CCDC171: variants seen among roughly 807,000 people sequenced by gnomAD.
CCDC171 encodes coiled-coil domain containing 171.
A neutral mutation model predicts 168.2 loss-of-function variants in CCDC171; 177 were observed. The ratio of observed to expected loss-of-function variants is 1.05; its 90% CI spans 0.93 to 1.19. CCDC171 has a LOEUF of 1.19. CCDC171 is among the 50% of genes most tolerant of loss of function. CCDC171 has a pLI of 0.00. For missense variants in CCDC171, 1,991 were observed against 1,539.0 expected, an observed-to-expected ratio of 1.29 and a Z score of -4.91; for synonymous variants, 687 against 540.8, an observed-to-expected ratio of 1.27 and a Z score of -3.75.
chr9:15,835,152 T>C (rs1009681575), intron 21 of CCDC171, among the ~76,000 whole-genome samples: 13 of 152,304 alleles, frequency 8.5e-5, no homozygotes, highest in Admixed American at 2.6e-4. Flanking sequence ...GACTATTAGC[T>C]TAAGAAATAC....
chr9:15,584,058 G>A (rs1410674897), intron 4 of CCDC171, among the ~76,000 whole-genome samples: 2 of 151,976 alleles, frequency 1.3e-5, no homozygotes, highest in Non-Finnish European at 2.9e-5. Context: ...TAGTAGAGAC[G>A]GGGTTTCACC....
chr9:15,592,746 T>A (rs2042085792), intron 5 of CCDC171, among the ~76,000 whole-genome samples: 1 of 152,104 alleles, frequency 6.6e-6, no homozygotes, highest in South Asian at 2.1e-4. Context: ...AGGAGGGTGA[T>A]GGTGGCAGTA....
chr9:15,731,131 G>A (rs1252349108), intron 16 of CCDC171, among the ~76,000 whole-genome samples: 1 of 151,860 alleles, frequency 6.6e-6, no homozygotes, highest in Non-Finnish European at 1.5e-5. Context: ...TGTTAATAAA[G>A]TCACCTTACT....
intron 9 of CCDC171, among the ~76,000 whole-genome samples, chr9:15,675,271 C>T (rs1411821109): frequency 1.4e-5 from 2 of 138,168 alleles, no homozygotes; most frequent in Non-Finnish European, 3.0e-5. Flanking sequence ...TGTGTCTCTG[C>T]ACGTGAGATG....
chr9:15,785,591 G>T (rs1172009679), intron 21 of CCDC171, among the ~76,000 whole-genome samples: 1 of 151,820 alleles, frequency 6.6e-6, no homozygotes, highest in Non-Finnish European at 1.5e-5. Context: ...AAACACTTAG[G>T]TACTCCTCAC....
chr9:16,064,256 T>C (rs1054953668), downstream of CCDC171, among the ~76,000 whole-genome samples: 2 of 152,310 alleles, frequency 1.3e-5, no homozygotes, highest in African/African-American at 4.8e-5. Flanking sequence ...TTTTTCCCCC[T>C]GAATTCTCCC....
At chr9:16,011,297 T>C (rs1234202087) in intron 3 of CCDC171, among the ~76,000 whole-genome samples, 1 of 152,162 alleles carries the variant, frequency 6.6e-6, no homozygotes, top group Non-Finnish European at 1.5e-5. Flanking sequence ...GAATCACCTA[T>C]TCTATCCTGT....
At chr9:15,757,685 C>T (rs2056206876) in intron 18 of CCDC171, among the ~76,000 whole-genome samples, 1 of 152,194 alleles carries the variant, frequency 6.6e-6, no homozygotes, top group Admixed American at 6.5e-5. Context: ...CCATCACAGG[C>T]CCAGAGTCTT....
chr9:16,099,978 C>T, the CCDC171 span, among the ~76,000 whole-genome samples: 3 of 150,658 alleles, frequency 2.0e-5, no homozygotes, highest in East Asian at 1.9e-4. Flanking sequence ...GAGAAACCAA[C>T]GCTGTATGGA....
chr9:15,756,285 G>A (rs1293564033), intron 18 of CCDC171, among the ~76,000 whole-genome samples: 2 of 151,728 alleles, frequency 1.3e-5, no homozygotes, highest in Non-Finnish European at 2.9e-5. Flanking sequence ...CAGAAAACTT[G>A]AAAAAAATGA....
intron 7 of CCDC171, among the ~76,000 whole-genome samples, chr9:15,643,731 C>T (rs1332338664): frequency 2.0e-5 from 3 of 152,210 alleles, no homozygotes; most frequent in Admixed American, 1.3e-4. Flanking sequence ...TTTTCGTTCT[C>T]TCCTTCTTCC....
chr9:16,058,356 C>A (rs1833876482), intron 1 of CCDC171, among the ~76,000 whole-genome samples: 1 of 152,176 alleles, frequency 6.6e-6, no homozygotes, highest in African/African-American at 2.4e-5. Context: ...CCTCTTTCCT[C>A]CCTCTATTTC....
At chr9:15,914,455 A>G (rs572400321) in intron 24 of CCDC171, among the ~76,000 whole-genome samples, 3 of 152,192 alleles carry the variant, frequency 2.0e-5, no homozygotes, top group Admixed American at 6.5e-5. Context: ...GTGAGGGGAA[A>G]ACCGCCTTCT....
chr9:16,077,910 G>A, the CCDC171 span, among the ~76,000 whole-genome samples: 1 of 152,188 alleles, frequency 6.6e-6, no homozygotes, highest in African/African-American at 2.4e-5. Flanking sequence ...CTTTCTGTGG[G>A]AAGATGTTGG....
At chr9:15,624,812 CT>C (rs2044909459) in intron 7 of CCDC171, among the ~76,000 whole-genome samples, 1 of 152,098 alleles carries the variant, frequency 6.6e-6, no homozygotes, top group Non-Finnish European at 1.5e-5. Flanking sequence ...ATTTATAATC[CT>C]TTGGGTATAT....
chr9:15,762,071 AAAT>A (rs1467136882), intron 18 of CCDC171, among the ~76,000 whole-genome samples: 2 of 152,154 alleles, frequency 1.3e-5, no homozygotes, highest in Admixed American at 1.3e-4. Flanking sequence ...TACAAAATCA[AAAT>A]AATTTTAGGA....
At chr9:15,623,473 G>GCACACAAACACACACA in intron 7 of CCDC171, 60 bp downstream of exon 7, 1 of 464,174 alleles carries the variant, frequency 2.2e-6, no homozygotes, top group Non-Finnish European at 3.6e-6. Context: ...ATGCGCGCGC[G>GCACACAAACACACACA]CGCACACACA....
chr9:15,940,308 A>T (rs1049717852), intron 25 of CCDC171, among the ~76,000 whole-genome samples: 2 of 151,974 alleles, frequency 1.3e-5, no homozygotes, highest in African/African-American at 4.8e-5. Flanking sequence ...CTACCTGTAG[A>T]ACTCAGAATC....
intron 6 of CCDC171, among the ~76,000 whole-genome samples, chr9:15,621,960 A>G (rs1041903941): frequency 6.6e-6 from 1 of 152,246 alleles, no homozygotes; most frequent in African/African-American, 2.4e-5. Context: ...ATAAAAAAGA[A>G]TGAGGTAATA....
Sources: gnomAD v4.1 joint callset for allele counts (sites outside exome capture counted in the v4.1 genomes callset) on GRCh38, gnomAD v4.1.1 for gene constraint, MANE v1.5 for transcripts, NCBI Gene and HGNC (gene_info 2026-07-23, HGNC 2026-07-21) for gene names.